Variants in ALLC observed in about 807,000 individuals in gnomAD.
ALLC encodes the protein probable inactive allantoicase.
Under a neutral mutation model 45.0 loss-of-function variants are expected in ALLC, and 40 were observed. That is an observed-to-expected ratio of 0.89 (90% CI 0.69 to 1.16). The LOEUF (loss-of-function observed/expected upper bound fraction) is 1.16, where lower values mean the gene tolerates loss of function less well. Ranked by LOEUF, ALLC falls within the 50% of genes most tolerant of loss-of-function variation. The pLI is 0.00. For missense variants in ALLC, 488 were observed against 493.1 expected, an observed-to-expected ratio of 0.99 and a Z score of 0.10; for synonymous variants, 176 against 178.1, an observed-to-expected ratio of 0.99 and a Z score of 0.09.
upstream of ALLC, among the ~76,000 whole-genome samples, chr2:3,653,745 C>T (rs1057348888): frequency 7.2e-5 from 11 of 152,026 alleles, no homozygotes; most frequent in Admixed American, 5.2e-4. This position sits in a 1 kb window ranked among gnomAD's most constrained non-coding sequence, Gnocchi z 4.1. Flanking sequence ...CATGATGGTG[C>T]GTGGCAGAGC....
chr2:3,676,796 C>CTCT (rs544717266), intron 3 of ALLC, among the ~76,000 whole-genome samples: 1 of 150,684 alleles, frequency 6.6e-6, no homozygotes, highest in African/African-American at 2.4e-5. Flanking sequence ...CTCTCTCTCT[C>CTCT]TTTTTTTTTG....
Position 3,701,635 on chromosome 2 carries a change from A to G in ALLC, c.974A>G (p.Lys325Arg). 1.9e-6 allele frequency: 3 copies of G among 1,610,752 alleles called. No individual in the cohort carries two copies. Among genetic ancestry groups the G allele is most frequent in the Non-Finnish European group, 2.5e-6 (3 of 1,178,030 alleles). Residue 325 changes from lysine to arginine, a missense_variant and splice_region_variant, in exon 11 of 12, where the codon AAG (lysine) becomes AGG (arginine). Physicochemically the swap from Lys to Arg is conservative, Grantham distance 26 (BLOSUM62 2). Coordinates refer to ENST00000252505, the MANE Select transcript of ALLC (RefSeq NM_018436.4). ...HKWKPLLPVTKLSPNQSHLFD... is the reference protein window; with the variant it reads ...HKWKPLLPVTRLSPNQSHLFD... ...TGGAAACCACTGCTTCCAGTGACCAAGGTTCGTGTGGCATGTTATTCGGAT... is the reference window on the plus strand; with the variant it reads ...TGGAAACCACTGCTTCCAGTGACCAGGGTTCGTGTGGCATGTTATTCGGAT...
At chr2:3,653,739 A>G (rs1160593119), upstream of ALLC, among the ~76,000 whole-genome samples, 1 of 151,636 alleles carries the variant, frequency 6.6e-6, no homozygotes, top group African/African-American at 2.4e-5. This position sits in a 1 kb window ranked among gnomAD's most constrained non-coding sequence, Gnocchi z 4.1. Context: ...GTGGGCCATG[A>G]TGGTGCGTGG....
At chr2:3,660,169 T>C (rs1283537914) in intron 1 of ALLC, among the ~76,000 whole-genome samples, 1 of 152,146 alleles carries the variant, frequency 6.6e-6, no homozygotes, top group African/African-American at 2.4e-5. Flanking sequence ...CGGTTCTTCC[T>C]CTGTTAGTCT....
chr2:3,656,374 C>T (rs73138885), upstream of ALLC, among the ~76,000 whole-genome samples: 7,161 of 152,292 alleles, frequency 0.047, 524 homozygotes, highest in African/African-American at 0.16. Flanking sequence ...GTTCTCCTCC[C>T]GCCCCACAGA....
chr2:3,664,902 C>A (rs1666665438), intron 1 of ALLC, among the ~76,000 whole-genome samples: 2 of 149,744 alleles, frequency 1.3e-5, no homozygotes, highest in East Asian at 1.9e-4. Context: ...AAAACAAAAC[C>A]AAAACCCCCC....
intron 6 of ALLC, among the ~76,000 whole-genome samples, chr2:3,682,694 T>A (rs1009742258): frequency 1.3e-5 from 2 of 152,004 alleles, no homozygotes; most frequent in Non-Finnish European, 2.9e-5. Context: ...CCCGGCTAAT[T>A]TTTTGTATTT....
chr2:3,692,745 G>T (rs1667556589), intron 7 of ALLC, among the ~76,000 whole-genome samples: 1 of 152,208 alleles, frequency 6.6e-6, no homozygotes, highest in Non-Finnish European at 1.5e-5. Context: ...CTCTGATTTG[G>T]TGTTTCCTCT....
At chr2:3,657,162 G>A (rs913583217), upstream of ALLC, among the ~76,000 whole-genome samples, 3 of 152,306 alleles carry the variant, frequency 2.0e-5, no homozygotes, top group East Asian at 1.9e-4. Flanking sequence ...AAGGCCGGGC[G>A]AGCTGAGATC....
At position 3,681,725 on chromosome 2, in the gene ALLC, C is replaced by T; in HGVS notation, c.378+12C>T. The T allele has an allele frequency of 6.3e-7, 1 of 1,599,630 alleles. No homozygotes were observed. The highest frequency in any genetic ancestry group is 8.5e-7 in the Non-Finnish European group (1 of 1,171,390). On this transcript the variant is annotated intron_variant, in intron 6 of 11. Coordinates refer to ENST00000252505, the MANE Select transcript of ALLC (RefSeq NM_018436.4). ...AAGCCATTGCTGAGGTACATCTCCC[C>T]CAAATGAATTGGGTCTTGTCACCAA...
At chr2:3,682,824 A>C (rs188236688) in intron 6 of ALLC, 118 bp from the exon 7 acceptor site, 37 of 1,088,734 alleles carry the variant, frequency 3.4e-5, no homozygotes, top group African/African-American at 4.7e-5. Context: ...CGTGCCCGGC[A>C]TCCATCATTA....
intron 7 of ALLC, 36 bp downstream of exon 7, chr2:3,683,110 C>A: frequency 6.3e-7 from 1 of 1,582,836 alleles, no homozygotes; most frequent in East Asian, 2.2e-5. Flanking sequence ...AGTTCCATGG[C>A]TTCTTTATTT....
chr2:3,669,802 G>A (rs1666818735), intron 1 of ALLC, among the ~76,000 whole-genome samples: 1 of 152,220 alleles, frequency 6.6e-6, no homozygotes, highest in Admixed American at 6.5e-5. Context: ...CCTCCCGGAG[G>A]TGGGAGGCTG....
At chr2:3,689,184 T>C (rs113761848) in intron 7 of ALLC, among the ~76,000 whole-genome samples, 1 of 151,036 alleles carries the variant, frequency 6.6e-6, no homozygotes, top group Non-Finnish European at 1.5e-5. Context: ...TTTGTTTTGT[T>C]GATCCTCTGT....
chr2:3,665,559 T>C (rs1666683336), intron 1 of ALLC, among the ~76,000 whole-genome samples: 1 of 152,144 alleles, frequency 6.6e-6, no homozygotes, highest in South Asian at 2.1e-4. Flanking sequence ...TGAGAACATG[T>C]GGTGTTTGGT....
upstream of ALLC, among the ~76,000 whole-genome samples, chr2:3,658,032 G>A (rs1261912027): frequency 2.6e-5 from 4 of 152,272 alleles, no homozygotes; most frequent in African/African-American, 9.6e-5. Flanking sequence ...GGACCAGCAG[G>A]GACCATGTCT....
rs376178731 is a variant in ALLC, at chr2:3,697,427, G to C, written c.821G>C (p.Arg274Pro). ...TTGGCACATCCTGGAGTAATAACTC[G>C]AATTGAAATTGACACAAAATATTTT... ...FRLAHPGVIT[R>P]IEIDTKYFEG... The change falls in exon 10 of 12, where the codon CGA becomes CCA. Residue 274 changes from arginine (R) to proline (P), a missense_variant. Coordinates refer to ENST00000252505, the MANE Select transcript of ALLC (RefSeq NM_018436.4). 23 of 1,613,618 alleles carry C rather than the reference G, an allele frequency of 1.4e-5. No individual in the cohort carries two copies. The highest frequency in any genetic ancestry group is 2.7e-5 in the African/African-American group (2 of 74,868).
chr2:3,679,010 A>G (rs1225485107), intron 4 of ALLC, among the ~76,000 whole-genome samples: 2 of 152,068 alleles, frequency 1.3e-5, no homozygotes, highest in Non-Finnish European at 2.9e-5. Flanking sequence ...TGTCCTCAAC[A>G]CTGTACCCGC....
At chr2:3,647,037 G>C in the ALLC span, among the ~76,000 whole-genome samples, 1 of 152,086 alleles carries the variant, frequency 6.6e-6, no homozygotes, top group Admixed American at 6.5e-5. Flanking sequence ...TCCCCGTGAG[G>C]ACGCAGAGCC....
Sources: gnomAD v4.1 joint callset for allele counts (sites outside exome capture counted in the v4.1 genomes callset) on GRCh38, gnomAD v4.1.1 for gene constraint, Gnocchi (gnomAD v3.1) non-coding constraint, MANE v1.5 for transcripts, NCBI Gene and HGNC (gene_info 2026-07-23, HGNC 2026-07-21) for gene names.